HEMK2: variants seen among roughly 807,000 people sequenced by gnomAD.
The protein encoded by HEMK2 is methyltransferase HEMK2.
chr21:28,799,990 A>C, the HEMK2 span, among the ~76,000 whole-genome samples: 1 of 152,190 alleles, frequency 6.6e-6, no homozygotes, highest in Non-Finnish European at 1.5e-5. Context: ...AAGAACACTC[A>C]AGTCTGGCAG....
the HEMK2 span, among the ~76,000 whole-genome samples, chr21:28,838,111 T>C: frequency 6.6e-6 from 1 of 152,100 alleles, no homozygotes; most frequent in Non-Finnish European, 1.5e-5. Context: ...CTACCAGACA[T>C]TTAAAGAAAA....
At chr21:28,815,904 CT>C in the HEMK2 span, among the ~76,000 whole-genome samples, 6,944 of 152,162 alleles carry the variant, frequency 0.046, 217 homozygotes, top group East Asian at 0.16. Flanking sequence ...GCTGTAACCC[CT>C]AGTACCTCAA....
chr21:28,675,163 T>C, the HEMK2 span, among the ~76,000 whole-genome samples: 19 of 152,254 alleles, frequency 1.2e-4, no homozygotes, highest in Admixed American at 1.2e-3. Context: ...TATTTGTCCA[T>C]GTCTTCCTCA....
chr21:28,807,615 G>GA, the HEMK2 span, among the ~76,000 whole-genome samples: 1 of 152,170 alleles, frequency 6.6e-6, no homozygotes, highest in Non-Finnish European at 1.5e-5. Context: ...CCTGATAAGG[G>GA]AATGTGGCCT....
At chr21:28,833,005 C>T in the HEMK2 span, among the ~76,000 whole-genome samples, 19 of 152,236 alleles carry the variant, frequency 1.2e-4, no homozygotes, top group Non-Finnish European at 2.6e-4. Context: ...CCTAGTAGGT[C>T]GGCATTTTTT....
chr21:28,840,004 G>T, the HEMK2 span, among the ~76,000 whole-genome samples: 22,234 of 151,980 alleles, frequency 0.15, 3,049 homozygotes, highest in African/African-American at 0.35. Context: ...ACATGGTACT[G>T]GCACAAAAAT....
the HEMK2 span, among the ~76,000 whole-genome samples, chr21:28,586,702 T>C: frequency 6.6e-6 from 1 of 152,336 alleles, no homozygotes; most frequent in South Asian, 2.1e-4. Context: ...GAGTAGAGTA[T>C]AAATAACAGA....
chr21:28,878,461 G>T, the HEMK2 span: 1 of 969,936 alleles, frequency 1.0e-6, no homozygotes, highest in Non-Finnish European at 1.5e-6. Flanking sequence ...CGAAGGAGCA[G>T]TCAAGTTGAA....
At chr21:28,754,946 G>A in the HEMK2 span, among the ~76,000 whole-genome samples, 13 of 152,300 alleles carry the variant, frequency 8.5e-5, no homozygotes, top group Admixed American at 5.2e-4. Flanking sequence ...AACGGACAAG[G>A]GAGGAATTAA....
chr21:28,869,921 C>T, the HEMK2 span, among the ~76,000 whole-genome samples: 3 of 152,214 alleles, frequency 2.0e-5, no homozygotes, highest in African/African-American at 7.2e-5. Context: ...AACTCTCTGG[C>T]CAACTTCAGA....
the HEMK2 span, among the ~76,000 whole-genome samples, chr21:28,856,126 T>C: frequency 6.6e-6 from 1 of 152,198 alleles, no homozygotes; most frequent in Non-Finnish European, 1.5e-5. Flanking sequence ...TTTTACAAGT[T>C]ATTTTGGGCT....
At chr21:28,615,072 G>A in the HEMK2 span, among the ~76,000 whole-genome samples, 1 of 151,990 alleles carries the variant, frequency 6.6e-6, no homozygotes, top group South Asian at 2.1e-4. Context: ...GAGATACAAG[G>A]GTGATATGGG....
At chr21:28,676,030 G>A in the HEMK2 span, among the ~76,000 whole-genome samples, 1 of 152,174 alleles carries the variant, frequency 6.6e-6, no homozygotes, top group Non-Finnish European at 1.5e-5. Context: ...CAATTCCACT[G>A]TCTGGGCCTT....
At chr21:28,730,546 C>A in the HEMK2 span, among the ~76,000 whole-genome samples, 2 of 152,140 alleles carry the variant, frequency 1.3e-5, no homozygotes, top group Admixed American at 1.3e-4. Flanking sequence ...TGGAAAAGGA[C>A]CTGCTTCCAC....
chr21:28,575,858 G>A, the HEMK2 span, among the ~76,000 whole-genome samples: 267 of 152,170 alleles, frequency 1.8e-3, no homozygotes, highest in Non-Finnish European at 3.0e-3. Context: ...TATGTTCTCC[G>A]TGTTTATTCT....
chr21:28,857,942 C>G, the HEMK2 span, among the ~76,000 whole-genome samples: 2 of 152,290 alleles, frequency 1.3e-5, no homozygotes, highest in East Asian at 3.9e-4. Flanking sequence ...TTAAGGTTGG[C>G]TTTGACTTTT....
the HEMK2 span, among the ~76,000 whole-genome samples, chr21:28,772,554 A>G: frequency 6.6e-6 from 1 of 152,226 alleles, no homozygotes; most frequent in South Asian, 2.1e-4. Flanking sequence ...CATTAAAGAA[A>G]AATATGGAAT....
At chr21:28,761,221 T>A in the HEMK2 span, among the ~76,000 whole-genome samples, 2 of 152,104 alleles carry the variant, frequency 1.3e-5, no homozygotes, top group African/African-American at 4.8e-5. Flanking sequence ...AATTTAGGTA[T>A]AAATGGGCAC....
the HEMK2 span, among the ~76,000 whole-genome samples, chr21:28,678,260 T>C: frequency 2.0e-5 from 3 of 152,320 alleles, no homozygotes; most frequent in South Asian, 6.2e-4. Context: ...TAAGCCTCAG[T>C]AGCTGATTTG....
Sources: allele counts gnomAD v4.1 joint callset (sites outside exome capture counted in the v4.1 genomes callset), GRCh38; gene constraint gnomAD v4.1.1; transcripts MANE v1.5; gene names NCBI Gene and HGNC (gene_info 2026-07-23, HGNC 2026-07-21).